NKAIN2: variants seen among roughly 807,000 people sequenced by gnomAD.
The protein encoded by NKAIN2 is sodium/potassium transporting ATPase interacting 2.
In NKAIN2, 14 loss-of-function variants were observed where a neutral mutation model predicts 32.6. The observed-to-expected ratio is 0.43, with a 90% CI of 0.28 to 0.67. The LOEUF is 0.67. Among genes scored for constraint, NKAIN2 ranks in the 30% least tolerant of loss-of-function variants. NKAIN2 has a pLI of 0.17. For missense variants in NKAIN2, 198 were observed against 258.3 expected (o/e 0.77, Z 1.60); for synonymous variants, 80 against 87.2 (o/e 0.92, Z 0.46).
chr6:124,122,117 G>A (rs565327505), intron 1 of NKAIN2, among the ~76,000 whole-genome samples: 31 of 152,100 alleles, frequency 2.0e-4, no homozygotes, highest in African/African-American at 7.2e-4. Flanking sequence ...AATGATGCAT[G>A]GTATTGAAGA....
intron 1 of NKAIN2, among the ~76,000 whole-genome samples, chr6:123,893,922 G>A (rs573513609): frequency 2.8e-4 from 43 of 152,268 alleles, no homozygotes; most frequent in African/African-American, 8.4e-4. Flanking sequence ...AGGTTCCTTA[G>A]TCCCAGGGAT....
chr6:124,612,633 G>A (rs1408522054), intron 3 of NKAIN2, among the ~76,000 whole-genome samples: 1 of 152,096 alleles, frequency 6.6e-6, no homozygotes, highest in Non-Finnish European at 1.5e-5. Context: ...AAAATCTCTG[G>A]AGCAGCACTT....
chr6:123,910,440 A>G (rs929926007), intron 1 of NKAIN2, among the ~76,000 whole-genome samples: 1 of 148,732 alleles, frequency 6.7e-6, no homozygotes, highest in African/African-American at 2.5e-5. Flanking sequence ...ATTTTTAGAT[A>G]TCTTATGCAT....
chr6:124,175,947 A>G (rs996686334), intron 1 of NKAIN2, among the ~76,000 whole-genome samples: 2 of 152,004 alleles, frequency 1.3e-5, no homozygotes, highest in Non-Finnish European at 2.9e-5. Context: ...CATTTTTTTA[A>G]GTACTGACAC....
intron 3 of NKAIN2, among the ~76,000 whole-genome samples, chr6:124,545,742 G>A (rs746150439): frequency 2.6e-5 from 4 of 151,842 alleles, no homozygotes; most frequent in Non-Finnish European, 4.4e-5. Flanking sequence ...TGATGACACC[G>A]ATATAGTTGT....
intron 3 of NKAIN2, among the ~76,000 whole-genome samples, chr6:124,504,748 T>A (rs1778412228): frequency 6.6e-6 from 1 of 152,246 alleles, no homozygotes; most frequent in South Asian, 2.1e-4. Context: ...AGATCTTTTA[T>A]ACTGGGTTTA....
chr6:124,604,932 T>C (rs2114987476), intron 3 of NKAIN2, among the ~76,000 whole-genome samples: 1 of 152,130 alleles, frequency 6.6e-6, no homozygotes, highest in East Asian at 1.9e-4. Context: ...CCTGGCAGAA[T>C]GTCTTGTACA....
At chr6:124,634,372 TCTGA>T (rs1348367041) in intron 3 of NKAIN2, among the ~76,000 whole-genome samples, 1 of 152,140 alleles carries the variant, frequency 6.6e-6, no homozygotes, top group Non-Finnish European at 1.5e-5. Flanking sequence ...CAATTCATGA[TCTGA>T]CTGAGAAATT....
At chr6:123,998,980 T>A (rs1357476634) in intron 1 of NKAIN2, among the ~76,000 whole-genome samples, 3 of 152,028 alleles carry the variant, frequency 2.0e-5, no homozygotes, top group African/African-American at 7.2e-5. Context: ...TTTATATTAA[T>A]AAAATTAATT....
intron 1 of NKAIN2, among the ~76,000 whole-genome samples, chr6:123,920,740 T>C (rs2114489461): frequency 6.6e-6 from 1 of 152,332 alleles, no homozygotes; most frequent in East Asian, 1.9e-4. Context: ...ACCAAAAATT[T>C]TGACTTCATT....
intron 4 of NKAIN2, among the ~76,000 whole-genome samples, chr6:124,710,146 T>A (rs560315431): frequency 9.2e-5 from 14 of 151,674 alleles, no homozygotes; most frequent in Admixed American, 3.3e-4. Context: ...CGGTTTTGAG[T>A]GAGATTCTTA....
chr6:124,488,199 G>A (rs1355812484), intron 3 of NKAIN2, among the ~76,000 whole-genome samples: 2 of 151,924 alleles, frequency 1.3e-5, no homozygotes, highest in Non-Finnish European at 2.9e-5. Flanking sequence ...AAGGAATAAT[G>A]GCATCCTAAA....
intron 1 of NKAIN2, among the ~76,000 whole-genome samples, chr6:124,153,233 A>G (rs1787818807): frequency 6.6e-6 from 1 of 151,896 alleles, no homozygotes; most frequent in African/African-American, 2.4e-5. Flanking sequence ...AATTCTATCT[A>G]TGTATCAAAA....
intron 3 of NKAIN2, among the ~76,000 whole-genome samples, chr6:124,596,063 T>C (rs541043425): frequency 1.3e-3 from 204 of 152,168 alleles, no homozygotes; most frequent in Non-Finnish European, 2.4e-3. Context: ...GAAAAAAAAG[T>C]AAATTGGAAC....
intron 1 of NKAIN2, among the ~76,000 whole-genome samples, chr6:124,070,073 C>T (rs1356407989): frequency 2.0e-5 from 3 of 152,142 alleles, no homozygotes; most frequent in Non-Finnish European, 4.4e-5. Context: ...TCGGCCACAC[C>T]ACTGTCAGCA....
chr6:124,634,723 A>G (rs1783706448), intron 3 of NKAIN2, among the ~76,000 whole-genome samples: 1 of 152,118 alleles, frequency 6.6e-6, no homozygotes, highest in African/African-American at 2.4e-5. Flanking sequence ...ATAGACATCC[A>G]GATCCAAGAA....
intron 1 of NKAIN2, among the ~76,000 whole-genome samples, chr6:124,231,960 C>A (rs569442482): frequency 6.6e-6 from 1 of 152,206 alleles, no homozygotes; most frequent in East Asian, 1.9e-4. Flanking sequence ...CCTGTCTTCT[C>A]TATCTTCTTC....
intron 4 of NKAIN2, among the ~76,000 whole-genome samples, chr6:124,673,190 G>A (rs994959425): frequency 2.6e-5 from 4 of 151,898 alleles, no homozygotes; most frequent in African/African-American, 9.7e-5. Context: ...TATCCTCTAA[G>A]TTCATCTATA....
chr6:123,973,955 G>T (rs1778444340), intron 1 of NKAIN2, among the ~76,000 whole-genome samples: 1 of 152,086 alleles, frequency 6.6e-6, no homozygotes, highest in Non-Finnish European at 1.5e-5. Flanking sequence ...GATTATGAAA[G>T]AAAAATACTC....
Sources: gnomAD v4.1 joint callset for allele counts (sites outside exome capture counted in the v4.1 genomes callset) on GRCh38, gnomAD v4.1.1 for gene constraint, MANE v1.5 for transcripts, NCBI Gene and HGNC (gene_info 2026-07-23, HGNC 2026-07-21) for gene names.